Variants in MTUS2 observed in about 807,000 individuals in gnomAD.
MTUS2 encodes the protein microtubule associated scaffold protein 2.
Under a neutral mutation model 114.1 loss-of-function variants are expected in MTUS2, and 40 were observed. The observed-to-expected ratio is 0.35, with a 90% CI of 0.27 to 0.46. The LOEUF (loss-of-function observed/expected upper bound fraction) is 0.46. MTUS2 is among the 20% of genes least tolerant of loss of function. The probability of loss-of-function intolerance (pLI) is 1.00; values close to 1 mark genes in which losing one functional copy is unlikely to be tolerated. For missense variants in MTUS2, 1,679 were observed against 1,705.4 expected (o/e 0.98, Z 0.27); for synonymous variants, 688 against 672.0 (o/e 1.02, Z -0.37).
intron 2 of MTUS2, among the ~76,000 whole-genome samples, chr13:28,989,983 CT>C (rs1183092776): frequency 6.6e-6 from 1 of 152,142 alleles, no homozygotes; most frequent in Admixed American, 6.5e-5. Flanking sequence ...CCTCTGCCCC[CT>C]ACCCTACTTT....
chr13:29,276,809 A>G (rs1291809956), intron 5 of MTUS2, among the ~76,000 whole-genome samples: 1 of 152,112 alleles, frequency 6.6e-6, no homozygotes, highest in African/African-American at 2.4e-5. Flanking sequence ...GAGGCAGGGA[A>G]ATCACTGGAA....
chr13:28,876,408 C>T (rs771922234), intron 2 of MTUS2, among the ~76,000 whole-genome samples: 7 of 152,126 alleles, frequency 4.6e-5, no homozygotes, highest in Non-Finnish European at 8.8e-5. Flanking sequence ...GCAGGGTTCC[C>T]GCATGACATC....
At chr13:28,927,566 T>C (rs1454968467) in intron 2 of MTUS2, among the ~76,000 whole-genome samples, 1 of 152,124 alleles carries the variant, frequency 6.6e-6, no homozygotes, top group Non-Finnish European at 1.5e-5. Flanking sequence ...ACCTTGTCTC[T>C]TAAAAAATGA....
At position 28,940,127 on chromosome 13, in the gene MTUS2, A is replaced by G. The variant is rs1882145867; in HGVS notation, c.-242-84330A>G. 2.6e-5 allele frequency among the ~76,000 whole-genome samples: 4 copies of G among 152,208 alleles called. No individual in the cohort carries two copies. The South Asian group carries it at 8.3e-4, about 32-fold the overall frequency. On this transcript the variant is annotated intron_variant, in intron 2 of 15. Transcript: ENST00000612955. ...TTGGGTGAGGACACAGCCAAACCAT[A>G]TTAATAAGCCAAAATAACACAGAAA...
intron 5 of MTUS2, among the ~76,000 whole-genome samples, chr13:29,145,189 C>T (rs1892380213): frequency 6.6e-6 from 1 of 151,866 alleles, no homozygotes; most frequent in African/African-American, 2.4e-5. Flanking sequence ...AAAAAGGACA[C>T]AATTTACATA....
At chr13:29,375,616 T>A (rs1593368120) in intron 8 of MTUS2, among the ~76,000 whole-genome samples, 3 of 10,492 alleles carry the variant, frequency 2.9e-4, no homozygotes, top group Admixed American at 1.9e-3. Context: ...TACGTATATA[T>A]ATATATATAT....
intron 8 of MTUS2, among the ~76,000 whole-genome samples, chr13:29,414,914 A>C (rs928389866): frequency 6.6e-6 from 1 of 151,058 alleles, no homozygotes; most frequent in East Asian, 1.9e-4. Flanking sequence ...TTTACTTATG[A>C]AAGTGTTTCA....
intron 5 of MTUS2, among the ~76,000 whole-genome samples, chr13:29,217,055 G>C (rs1280324808): frequency 2.0e-5 from 3 of 152,094 alleles, no homozygotes; most frequent in Non-Finnish European, 4.4e-5. Context: ...TGATTCTTAA[G>C]GAAATAGACG....
intron 8 of MTUS2, among the ~76,000 whole-genome samples, chr13:29,400,644 A>G (rs1004198509): frequency 2.6e-5 from 4 of 152,224 alleles, no homozygotes; most frequent in Non-Finnish European, 4.4e-5. Flanking sequence ...CTATGTCAAC[A>G]ATAACCAGGG....
chr13:29,113,671 AT>A (rs1280570098), intron 5 of MTUS2, among the ~76,000 whole-genome samples: 23 of 149,930 alleles, frequency 1.5e-4, no homozygotes, highest in East Asian at 3.9e-4. Flanking sequence ...ATCGGTTTGG[AT>A]TTTTTTTTTA....
chr13:29,284,984 T>A (rs998991339), intron 6 of MTUS2, among the ~76,000 whole-genome samples: 7 of 151,904 alleles, frequency 4.6e-5, no homozygotes, highest in South Asian at 2.1e-4. Flanking sequence ...GAAATGTAGA[T>A]CCTAGAACAT....
intron 8 of MTUS2, among the ~76,000 whole-genome samples, chr13:29,368,870 G>A (rs1870961325): frequency 6.6e-6 from 1 of 152,216 alleles, no homozygotes; most frequent in South Asian, 2.1e-4. Context: ...GAGGGTGTAT[G>A]CAGAGGAGGG....
intron 7 of MTUS2, among the ~76,000 whole-genome samples, chr13:29,356,402 C>A (rs544768159): frequency 6.6e-6 from 1 of 152,316 alleles, no homozygotes; most frequent in East Asian, 1.9e-4. Flanking sequence ...CACTGTCTGC[C>A]AGCTCTTGAG....
chr13:29,308,654 C>G (rs558563845), intron 6 of MTUS2, among the ~76,000 whole-genome samples: 87 of 152,262 alleles, frequency 5.7e-4, no homozygotes, highest in Non-Finnish European at 1.0e-3. Context: ...ATCTATCCAT[C>G]TGACGAAGGT....
At chr13:29,231,419 A>G (rs1394271756) in intron 5 of MTUS2, among the ~76,000 whole-genome samples, 3 of 152,192 alleles carry the variant, frequency 2.0e-5, no homozygotes, top group African/African-American at 7.2e-5. Flanking sequence ...ATCACATCAC[A>G]GATAGAGCTT....
intron 8 of MTUS2, among the ~76,000 whole-genome samples, chr13:29,408,976 A>G (rs1372829187): frequency 1.3e-5 from 2 of 152,176 alleles, no homozygotes; most frequent in East Asian, 1.9e-4. Flanking sequence ...CACACAATAT[A>G]CTTACTCTTT....
chr13:29,243,081 TGAG>T (rs1466778403), intron 5 of MTUS2, among the ~76,000 whole-genome samples: 1 of 152,122 alleles, frequency 6.6e-6, no homozygotes, highest in Admixed American at 6.5e-5. Context: ...ATGGGACGCT[TGAG>T]GAGAAATTTT....
chr13:29,291,852 T>G (rs1160823115), intron 6 of MTUS2, among the ~76,000 whole-genome samples: 1 of 152,200 alleles, frequency 6.6e-6, no homozygotes, highest in Non-Finnish European at 1.5e-5. Context: ...GAAACTCATT[T>G]TAAATGTAAC....
rs1886444560 is a variant in MTUS2 at position 29,024,922 on chromosome 13, A to G, written c.224A>G (p.His75Arg). The change falls in exon 3 of 16, where the codon CAT becomes CGT. Residue 75 changes from histidine (H) to arginine (R), a missense_variant. This residue lies in a region of MTUS2 where 843 missense variants were observed against 770.8 expected (regional missense o/e 1.09). Coordinates refer to ENST00000612955, the MANE Select transcript of MTUS2 (RefSeq NM_001033602.4). Reference protein sequence around the residue: ...SSEPENRTHFHKEFHQLQGFG... With the variant: ...SSEPENRTHFRKEFHQLQGFG... ...GAGCCAGAAAACCGTACCCATTTCC[A>G]TAAGGAATTTCACCAACTTCAGGGC... The G allele has an allele frequency of 6.2e-7, 1 of 1,613,902 alleles. No individual in the cohort carries two copies. Among genetic ancestry groups the G allele is most frequent in the South Asian group, 1.1e-5 (1 of 91,076 alleles).
Sources: allele counts gnomAD v4.1 joint callset (sites outside exome capture counted in the v4.1 genomes callset), GRCh38; gene constraint gnomAD v4.1.1; regional missense constraint gnomAD v4.1.1; transcripts MANE v1.5; gene names NCBI Gene and HGNC (gene_info 2026-07-23, HGNC 2026-07-21).